The following KLHL4 variants were observed in gnomAD, a reference collection of about 807,000 sequenced individuals.
KLHL4 encodes the protein kelch-like protein 4.
Under a neutral mutation model 45.8 loss-of-function variants are expected in KLHL4, and 17 were observed. That is an observed-to-expected ratio of 0.37 (90% CI 0.25 to 0.56). KLHL4 has a LOEUF of 0.56. Ranked by LOEUF, KLHL4 falls within the 20% of genes least tolerant of loss-of-function variation. KLHL4 has a pLI of 0.79. For missense variants in KLHL4, 544 were observed against 544.9 expected, an observed-to-expected ratio of 1.00 and a Z score of 0.02; for synonymous variants, 224 against 189.9, an observed-to-expected ratio of 1.18 and a Z score of -1.47.
chrX:87,565,439 A>G (rs1260003836), intron 1 of KLHL4, among the ~76,000 whole-genome samples: 11 of 111,383 alleles, frequency 9.9e-5, no homozygotes, highest in Non-Finnish European at 1.9e-4. Context: ...TCAGAAATGA[A>G]TTAAGAGGTC....
intron 1 of KLHL4, among the ~76,000 whole-genome samples, chrX:87,547,313 C>T (rs748733819): frequency 1.8e-5 from 2 of 110,887 alleles, no homozygotes; most frequent in Non-Finnish European, 3.8e-5. Context: ...GGCTCTTCCC[C>T]CTTTGCTTCT....
intron 9 of KLHL4, among the ~76,000 whole-genome samples, chrX:87,650,584 C>T (rs1256117935): frequency 6.2e-5 from 7 of 112,206 alleles, no homozygotes; most frequent in Non-Finnish European, 1.1e-4. Context: ...GGTTCTTGTT[C>T]TTACAGGAAA....
At chrX:87,526,242 G>A (rs1297886065) in intron 1 of KLHL4, among the ~76,000 whole-genome samples, 1 of 112,285 alleles carries the variant, frequency 8.9e-6, no homozygotes, top group African/African-American at 3.2e-5. Context: ...AATTTAGTCT[G>A]AAGTATGTTG....
At chrX:87,662,252 A>G (rs1326484951) in intron 9 of KLHL4, among the ~76,000 whole-genome samples, 1 of 111,717 alleles carries the variant, frequency 9.0e-6, no homozygotes, top group East Asian at 2.8e-4. Flanking sequence ...TATCACATGT[A>G]CCCCATAAAT....
intron 1 of KLHL4, among the ~76,000 whole-genome samples, chrX:87,589,165 G>T (rs1320545359): frequency 1.8e-5 from 2 of 111,903 alleles, no homozygotes; most frequent in Non-Finnish European, 3.8e-5. Flanking sequence ...ACAAATGCTG[G>T]TGGGGATGTG....
chrX:87,635,308 A>G (rs1923229964), intron 8 of KLHL4, among the ~76,000 whole-genome samples: 2 of 111,511 alleles, frequency 1.8e-5, no homozygotes, highest in Non-Finnish European at 3.8e-5. Flanking sequence ...ATTATGTTAA[A>G]ATGACTGTGA....
At chrX:87,614,265 A>T (rs1922480359) in intron 2 of KLHL4, among the ~76,000 whole-genome samples, 169 bp from the exon 3 acceptor site, 1 of 111,905 alleles carries the variant, frequency 8.9e-6, no homozygotes, top group Non-Finnish European at 1.9e-5. Flanking sequence ...CCTCTAAAAA[A>T]GATCAGTTTA....
chrX:87,565,761 A>C (rs1019924517), intron 1 of KLHL4, among the ~76,000 whole-genome samples: 7 of 94,202 alleles, frequency 7.4e-5, no homozygotes, highest in African/African-American at 2.8e-4. Context: ...ATACAAAAAT[A>C]ATTATAAGAG....
chrX:87,614,339 G>A (rs1922482797), intron 2 of KLHL4, 95 bp from the exon 3 acceptor site: 1 of 830,152 alleles, frequency 1.2e-6, no homozygotes. Flanking sequence ...GGAGAAAACA[G>A]ACTCACTAGT....
chrX:87,552,301 C>G (rs1931846691), intron 1 of KLHL4, among the ~76,000 whole-genome samples: 1 of 111,107 alleles, frequency 9.0e-6, no homozygotes, highest in African/African-American at 3.3e-5. Context: ...TGATCAACAC[C>G]ACTAATGATC....
rs190004871 is a variant in KLHL4 at position 87,668,134 on chromosome X, C to T, written c.*1600C>T. The T allele has an allele frequency of 3.3e-3, 2,466 of 748,596 alleles. 45 individuals carry two copies. In the African/African-American group the frequency reaches 0.053, roughly 16 times the overall value. 61.7% of individuals were successfully genotyped at this position (748,596 alleles called of 1,213,427 possible). ...AGGTGAAGATAGAGACATAGAGAGG[C>T]TGTGAAACACACATACAGCCCTGTT... On this transcript the variant is annotated 3_prime_UTR_variant, in exon 11 of 11. Coordinates refer to ENST00000373119, the MANE Select transcript of KLHL4 (RefSeq NM_019117.5).
intron 1 of KLHL4, among the ~76,000 whole-genome samples, chrX:87,574,985 T>G (rs954889983): frequency 8.9e-6 from 1 of 112,099 alleles, no homozygotes; most frequent in Non-Finnish European, 1.9e-5. Context: ...CAATGAAAAG[T>G]CTGATGTTTA....
intron 1 of KLHL4, among the ~76,000 whole-genome samples, chrX:87,541,490 CACAAA>C (rs1931557901): frequency 7.8e-5 from 5 of 63,919 alleles, no homozygotes; most frequent in East Asian, 5.2e-4. Flanking sequence ...GACTCCATCT[CACAAA>C]AAAAAAAAAA....
chrX:87,638,886 A>C (rs1923355310), intron 9 of KLHL4, among the ~76,000 whole-genome samples: 2 of 111,781 alleles, frequency 1.8e-5, no homozygotes, highest in Admixed American at 1.9e-4. Flanking sequence ...TGCTCCACTT[A>C]AAAGATGTAG....
In KLHL4 at chrX:87,667,052, A is replaced by T. The variant is rs773868400; in HGVS notation, c.*518A>T. ...ATCCCAAAGAGCTAAACAATTCCTT[A>T]CATTTACCAAGAGGAAAGCTTTTAC... On this transcript the variant is annotated 3_prime_UTR_variant, in exon 11 of 11. Coordinates refer to ENST00000373119, the MANE Select transcript of KLHL4 (RefSeq NM_019117.5). The T allele has an allele frequency of 2.7e-5, 20 of 732,248 alleles. No homozygotes were observed. Among genetic ancestry groups the T allele is most frequent in the Non-Finnish European group, 3.2e-5 (20 of 624,409 alleles). The allele number at this position is 732,248 out of a possible 1,213,427, so 60.3% of individuals were successfully genotyped here. A position where few individuals can be genotyped will look rare whatever the true frequency, so the allele number is the denominator to read the frequency against.
chrX:87,656,340 T>C (rs1202481508), intron 9 of KLHL4, among the ~76,000 whole-genome samples: 4 of 110,580 alleles, frequency 3.6e-5, no homozygotes, highest in Non-Finnish European at 7.6e-5. Context: ...TGGGACATTT[T>C]ACATAGTTCC....
intron 1 of KLHL4, among the ~76,000 whole-genome samples, chrX:87,609,811 G>A (rs1474649140): frequency 2.7e-5 from 3 of 111,096 alleles, no homozygotes; most frequent in African/African-American, 9.8e-5. Flanking sequence ...ATTGCTTTTG[G>A]TGTTTTAGAC....
intron 1 of KLHL4, among the ~76,000 whole-genome samples, chrX:87,612,882 T>G (rs1178544997): frequency 9.0e-6 from 1 of 111,238 alleles, no homozygotes; most frequent in East Asian, 2.8e-4. Flanking sequence ...TGCTTTTCAG[T>G]CTACGGTGCC....
intron 9 of KLHL4, among the ~76,000 whole-genome samples, chrX:87,637,950 A>AAAAT (rs906378330): frequency 3.6e-5 from 4 of 111,523 alleles, no homozygotes; most frequent in Admixed American, 9.6e-5. Flanking sequence ...CTCCATTGAA[A>AAAAT]AAATAAATAA....
Sources: allele counts gnomAD v4.1 joint callset (sites outside exome capture counted in the v4.1 genomes callset), GRCh38; gene constraint gnomAD v4.1.1; transcripts MANE v1.5; gene names NCBI Gene and HGNC (gene_info 2026-07-23, HGNC 2026-07-21).